Variants in CMSS1 observed in about 807,000 individuals in gnomAD.
The protein encoded by CMSS1 is cms1 ribosomal small subunit homolog.
CMSS1 carries 33 observed loss-of-function variants against 43.5 expected under a neutral mutation model. The ratio of observed to expected loss-of-function variants is 0.76; its 90% CI spans 0.57 to 1.01. The LOEUF is 1.01. Among genes scored for constraint, CMSS1 ranks in the 50% least tolerant of loss-of-function variants. CMSS1 has a pLI of 0.00. For missense variants in CMSS1, 313 were observed against 326.4 expected, an observed-to-expected ratio of 0.96 and a Z score of 0.32; for synonymous variants, 115 against 117.2, an observed-to-expected ratio of 0.98 and a Z score of 0.12.
intron 1 of CMSS1, among the ~76,000 whole-genome samples, chr3:99,861,017 C>T (rs912469182): frequency 8.5e-5 from 13 of 152,132 alleles, no homozygotes; most frequent in African/African-American, 2.9e-4. Context: ...ACTGTGAATA[C>T]ACTGCTGTGC....
At chr3:100,117,836 TATATATATATATATATAC>T (rs1279187025) in intron 1 of CMSS1, among the ~76,000 whole-genome samples, 31 of 94,502 alleles carry the variant, frequency 3.3e-4, no homozygotes, top group South Asian at 1.8e-3. Flanking sequence ...TATATATATA[TATATATATATATATATAC>T]ATATATATAT....
Position 99,929,914 on chromosome 3 carries a change from G to C in CMSS1, c.64+111871G>C, listed in dbSNP as rs374477637. ...CCAAGGGGTAGATTTCGCTTGAAAA[G>C]CATCTCTCTGGAGAGCCTCTAACAC... On this transcript the variant is annotated intron_variant, in intron 1 of 9. Transcript: ENST00000421999. 40 of 1,613,612 alleles carry C rather than the reference G, an allele frequency of 2.5e-5. No individual in the cohort carries two copies. The highest frequency in any genetic ancestry group is 6.7e-5 in the African/African-American group (5 of 74,838).
intron 1 of CMSS1, chr3:99,924,149 A>G: frequency 8.7e-7 from 1 of 1,151,266 alleles, no homozygotes; most frequent in Non-Finnish European, 1.3e-6. Flanking sequence ...TGTCATATTT[A>G]TCTTTGTATC....
At chr3:99,830,431 C>T (rs1193718278) in intron 1 of CMSS1, 3 of 450,018 alleles carry the variant, frequency 6.7e-6, no homozygotes, top group Non-Finnish European at 1.3e-5. Flanking sequence ...CTCCCTCCCA[C>T]GTGGAGGAAG....
At chr3:100,178,256 C>A in intron 9 of CMSS1, 49 bp from the exon 10 acceptor site, 1 of 1,163,822 alleles carries the variant, frequency 8.6e-7, no homozygotes, top group Non-Finnish European at 1.3e-6. Context: ...TCACCAAGAC[C>A]ATTTTGGCTT....
intron 1 of CMSS1, among the ~76,000 whole-genome samples, chr3:99,887,459 G>A (rs1000657654): frequency 6.6e-6 from 1 of 152,194 alleles, no homozygotes; most frequent in Non-Finnish European, 1.5e-5. Context: ...AATTGTGCAT[G>A]TGGTGGCTAT....
intron 1 of CMSS1, among the ~76,000 whole-genome samples, chr3:99,841,450 CG>C (rs1326238618): frequency 6.6e-6 from 1 of 152,178 alleles, no homozygotes; most frequent in Non-Finnish European, 1.5e-5. Context: ...GGTCCTCTCT[CG>C]GAAGTCTCAA....
At chr3:99,882,828 T>C (rs1393195311) in intron 1 of CMSS1, among the ~76,000 whole-genome samples, 1 of 152,240 alleles carries the variant, frequency 6.6e-6, no homozygotes, top group African/African-American at 2.4e-5. Context: ...AGTTGTCTAC[T>C]TTATGGATTA....
intron 1 of CMSS1, among the ~76,000 whole-genome samples, chr3:99,982,984 G>A (rs1201200509): frequency 6.6e-6 from 1 of 152,042 alleles, no homozygotes; most frequent in African/African-American, 2.4e-5. Context: ...TGTCTTTGAG[G>A]TGCCCACATA....
chr3:100,156,966 G>A (rs1197624593), intron 2 of CMSS1, among the ~76,000 whole-genome samples: 1 of 152,082 alleles, frequency 6.6e-6, no homozygotes, highest in African/African-American at 2.4e-5. Context: ...ATGTAACCAG[G>A]GCTGGTCTCA....
At chr3:100,169,000 G>A (rs969720768) in intron 6 of CMSS1, among the ~76,000 whole-genome samples, 3 of 151,834 alleles carry the variant, frequency 2.0e-5, no homozygotes, top group African/African-American at 7.3e-5. Context: ...CAGATGAGTG[G>A]AACAGAATTG....
chr3:99,844,337 T>G (rs767377388), intron 1 of CMSS1, among the ~76,000 whole-genome samples: 3 of 152,330 alleles, frequency 2.0e-5, no homozygotes, highest in Admixed American at 6.5e-5. Flanking sequence ...GATTTTACTC[T>G]GAGATACGCT....
At chr3:100,045,664 CTGAT>C (rs1280896736) in intron 1 of CMSS1, among the ~76,000 whole-genome samples, 15 of 152,180 alleles carry the variant, frequency 9.9e-5, no homozygotes, top group African/African-American at 3.1e-4. Context: ...GCTGCAGTGA[CTGAT>C]TGATTTGTTG....
chr3:100,017,141 A>G (rs1451950517), intron 1 of CMSS1, among the ~76,000 whole-genome samples: 1 of 152,210 alleles, frequency 6.6e-6, no homozygotes, highest in Non-Finnish European at 1.5e-5. Flanking sequence ...AATGTTTGTC[A>G]TCAAAAATCA....
intron 1 of CMSS1, chr3:100,023,552 T>C (rs561079039): frequency 2.6e-5 from 4 of 152,734 alleles, no homozygotes; most frequent in Admixed American, 2.0e-4. Flanking sequence ...AACAGTTTCT[T>C]GGGGGGAGAG....
At chr3:100,140,445 T>C (rs1309663156) in intron 1 of CMSS1, among the ~76,000 whole-genome samples, 1 of 151,946 alleles carries the variant, frequency 6.6e-6, no homozygotes, top group Non-Finnish European at 1.5e-5. Context: ...TCATGCATTA[T>C]ATAGCTTCTT....
chr3:100,135,662 A>T (rs1046028579), intron 1 of CMSS1, among the ~76,000 whole-genome samples: 2 of 151,582 alleles, frequency 1.3e-5, no homozygotes, highest in Non-Finnish European at 2.9e-5. Context: ...GTGCATATTT[A>T]AAAATAAGTG....
chr3:100,047,961 AT>A (rs1373663518), intron 1 of CMSS1, among the ~76,000 whole-genome samples: 3 of 152,196 alleles, frequency 2.0e-5, no homozygotes, highest in Non-Finnish European at 4.4e-5. Flanking sequence ...GAAAGAACGA[AT>A]TGTCCCTCCT....
At chr3:99,991,765 G>A (rs1027239632) in intron 1 of CMSS1, among the ~76,000 whole-genome samples, 3 of 151,346 alleles carry the variant, frequency 2.0e-5, no homozygotes, top group African/African-American at 4.9e-5. Context: ...CTATGTTGCT[G>A]CAAAAAGACA....
Sources: gnomAD v4.1 joint callset for allele counts (sites outside exome capture counted in the v4.1 genomes callset) on GRCh38, gnomAD v4.1.1 for gene constraint, MANE v1.5 for transcripts, NCBI Gene and HGNC (gene_info 2026-07-23, HGNC 2026-07-21) for gene names.